The following SMAD1 variants were observed in gnomAD, a reference collection of about 807,000 sequenced individuals.
SMAD1 encodes MAD, mothers against decapentaplegic homolog 1.
In SMAD1, 6 loss-of-function variants were observed where a neutral mutation model predicts 41.6. The ratio of observed to expected loss-of-function variants is 0.14; its 90% CI spans 0.08 to 0.28. The LOEUF (loss-of-function observed/expected upper bound fraction) is 0.28, where lower values mean the gene tolerates loss of function less well. Among genes scored for constraint, SMAD1 ranks in the 10% least tolerant of loss-of-function variants. The pLI is 1.00. For missense variants in SMAD1, 379 were observed against 582.6 expected (o/e 0.65, Z 3.60); for synonymous variants, 206 against 203.2 (o/e 1.01, Z -0.12).
At chr4:145,497,910 C>T (rs778610919) in intron 1 of SMAD1, 1 of 152,158 alleles carries the variant, frequency 6.6e-6, no homozygotes, top group African/African-American at 2.4e-5. Flanking sequence ...TCCAAGGTGG[C>T]CAAATGAATG....
intron 1 of SMAD1, among the ~76,000 whole-genome samples, chr4:145,507,060 T>C (rs1729828502): frequency 6.6e-6 from 1 of 152,170 alleles, no homozygotes; most frequent in African/African-American, 2.4e-5. Context: ...TTCAGAACAC[T>C]GCTTTAAACT....
At chr4:145,555,681 C>T (rs924811840) in intron 6 of SMAD1, among the ~76,000 whole-genome samples, 4 of 151,426 alleles carry the variant, frequency 2.6e-5, no homozygotes, top group Non-Finnish European at 5.9e-5. Flanking sequence ...ACAACCTTTA[C>T]ACTAATAAAA....
At chr4:145,508,137 A>G (rs1462797031) in intron 1 of SMAD1, among the ~76,000 whole-genome samples, 1 of 145,634 alleles carries the variant, frequency 6.9e-6, no homozygotes, top group Non-Finnish European at 1.5e-5. Context: ...TGAAGATATT[A>G]CCTTAGTTGT....
rs367590355 is a variant in SMAD1, at chr4:145,517,925, T to C, written c.400+2912T>C. 6.1e-4 allele frequency among the ~76,000 whole-genome samples: 77 copies of C among 127,142 alleles called. 16 individuals carry two copies. The South Asian group carries it at 0.017, about 28-fold the overall frequency. 83.4% of individuals were successfully genotyped at this position (127,142 alleles called of 152,430 possible). The stretch of plus-strand genomic sequence containing the variant: ...GGAATCTTGTGAGTCATGGATAGAA[T>C]AGAACAGTTCTGGAAAACATGGAGG... On this transcript the variant is annotated intron_variant, in intron 2 of 6. Coordinates refer to ENST00000302085, the MANE Select transcript of SMAD1 (RefSeq NM_005900.3).
At chr4:145,505,278 T>G (rs1418366263) in intron 1 of SMAD1, among the ~76,000 whole-genome samples, 1 of 152,192 alleles carries the variant, frequency 6.6e-6, no homozygotes, top group Non-Finnish European at 1.5e-5. Flanking sequence ...TCACCAGGCC[T>G]TGAATCCTAT....
chr4:145,494,296 A>G (rs1205160224), intron 1 of SMAD1, among the ~76,000 whole-genome samples: 3 of 152,062 alleles, frequency 2.0e-5, no homozygotes, highest in Non-Finnish European at 4.4e-5. Flanking sequence ...GAGTGTCTGT[A>G]TTTCTATTTA....
chr4:145,512,054 A>G (rs1730108735), intron 1 of SMAD1, among the ~76,000 whole-genome samples: 1 of 152,190 alleles, frequency 6.6e-6, no homozygotes, highest in African/African-American at 2.4e-5. Flanking sequence ...GTTACCAGCT[A>G]TTTACGTTTG....
intron 1 of SMAD1, among the ~76,000 whole-genome samples, chr4:145,486,295 C>T (rs552098032): frequency 6.6e-6 from 1 of 152,308 alleles, no homozygotes; most frequent in African/African-American, 2.4e-5. Flanking sequence ...CTCTGCTTTT[C>T]TGCATAATTC....
intron 6 of SMAD1, 48 bp downstream of exon 6, chr4:145,554,088 GTGC>G: frequency 1.4e-6 from 2 of 1,395,110 alleles, no homozygotes; most frequent in South Asian, 1.6e-5. Context: ...TACTTTTGCT[GTGC>G]TTTTTTTTTT....
chr4:145,536,305 G>T lies in SMAD1; in HGVS notation c.401-3499G>T, dbSNP rs988742239. Among the ~76,000 whole-genome samples, 6 of 152,054 alleles carry T rather than the reference G, an allele frequency of 3.9e-5. No individual in the cohort carries two copies. The East Asian group carries it at 9.6e-4, about 24-fold the overall frequency. ...AGAAGACAGCCAAATCCCAGATTTTGGTTTCTAAATACTATTCCTCACTAA... is the reference window on the plus strand; with the variant it reads ...AGAAGACAGCCAAATCCCAGATTTTTGTTTCTAAATACTATTCCTCACTAA... On this transcript the variant is annotated intron_variant, in intron 2 of 6. Coordinates refer to ENST00000302085, the MANE Select transcript of SMAD1 (RefSeq NM_005900.3).
chr4:145,496,217 A>G (rs896115266), intron 1 of SMAD1, among the ~76,000 whole-genome samples: 2 of 152,042 alleles, frequency 1.3e-5, no homozygotes, highest in African/African-American at 2.4e-5. Context: ...GATGGAGGGA[A>G]TTTTTTAAAA....
At chr4:145,496,055 A>T (rs529031310) in intron 1 of SMAD1, among the ~76,000 whole-genome samples, 1 of 152,120 alleles carries the variant, frequency 6.6e-6, no homozygotes, top group Non-Finnish European at 1.5e-5. Flanking sequence ...ATAATGTCTT[A>T]TTCTAAGCTC....
At chr4:145,499,936 A>G (rs1014317551) in intron 1 of SMAD1, among the ~76,000 whole-genome samples, 1 of 152,160 alleles carries the variant, frequency 6.6e-6, no homozygotes, top group Non-Finnish European at 1.5e-5. Context: ...AAAAGAAGAA[A>G]AAAATCTCGC....
In SMAD1 at chr4:145,514,607, T is replaced by C; in HGVS notation, c.-7T>C. The C allele has an allele frequency of 6.3e-7, 1 of 1,591,272 alleles. No individual in the cohort carries two copies. Among genetic ancestry groups the C allele is most frequent in the Non-Finnish European group, 8.5e-7 (1 of 1,170,706 alleles). On this transcript the variant is annotated 5_prime_UTR_variant, in exon 2 of 7. Coordinates refer to ENST00000302085, the MANE Select transcript of SMAD1 (RefSeq NM_005900.3). This position sits in a 1 kb window ranked among gnomAD's most constrained non-coding sequence, Gnocchi z 4.7. ...CATATCCAAGGAGTATAACTAGTGC[T>C]GTCATTATGAATGTGACAAGTTTAT...
intron 3 of SMAD1, among the ~76,000 whole-genome samples, chr4:145,542,053 GGA>G (rs1731977843): frequency 6.6e-6 from 1 of 152,212 alleles, no homozygotes; most frequent in African/African-American, 2.4e-5. Flanking sequence ...AAATGAGTAG[GGA>G]GAGTGTGGTC....
At chr4:145,556,210 TGAAC>T (rs1217205091) in intron 6 of SMAD1, among the ~76,000 whole-genome samples, 1 of 152,238 alleles carries the variant, frequency 6.6e-6, no homozygotes, top group Non-Finnish European at 1.5e-5. Context: ...TCAGCTCAGC[TGAAC>T]ACATATTTAT....
At chr4:145,494,949 C>T (rs1354565356) in intron 1 of SMAD1, among the ~76,000 whole-genome samples, 1 of 152,154 alleles carries the variant, frequency 6.6e-6, no homozygotes, top group East Asian at 1.9e-4. Flanking sequence ...TCTCCCTTTT[C>T]CCTTTGTGGA....
intron 1 of SMAD1, among the ~76,000 whole-genome samples, chr4:145,483,725 G>A (rs996882511): frequency 3.3e-5 from 5 of 152,200 alleles, no homozygotes; most frequent in Non-Finnish European, 4.4e-5. Flanking sequence ...GGTCGTGAGA[G>A]ATGATTTTTC....
chr4:145,523,922 C>T lies in SMAD1; in HGVS notation c.400+8909C>T, dbSNP rs564093292. On this transcript the variant is annotated intron_variant, in intron 2 of 6. Transcript: ENST00000302085. ...TTTGTTTTGGTTTGTTTTTTTGAGACGAGATCTGGCCCTGTTGCTCAGGCT... is the reference window on the plus strand; with the variant it reads ...TTTGTTTTGGTTTGTTTTTTTGAGATGAGATCTGGCCCTGTTGCTCAGGCT... 2.1e-3 allele frequency among the ~76,000 whole-genome samples: 324 copies of T among 152,110 alleles called. 2 individuals are homozygous for T. The highest frequency in any genetic ancestry group is 7.4e-3 in the African/African-American group (309 of 41,480).
Sources: gnomAD v4.1 joint callset for allele counts (sites outside exome capture counted in the v4.1 genomes callset) on GRCh38, gnomAD v4.1.1 for gene constraint, Gnocchi (gnomAD v3.1) non-coding constraint, MANE v1.5 for transcripts, NCBI Gene and HGNC (gene_info 2026-07-23, HGNC 2026-07-21) for gene names.